CDH12: variants seen among roughly 807,000 people sequenced by gnomAD.
CDH12 encodes the protein cadherin 12.
In CDH12, 41 loss-of-function variants were observed where a neutral mutation model predicts 74.1. The ratio of observed to expected loss-of-function variants is 0.55; its 90% CI spans 0.43 to 0.72. The LOEUF (loss-of-function observed/expected upper bound fraction) is 0.72. CDH12 is among the 30% of genes least tolerant of loss of function. The pLI is 0.00. For missense variants in CDH12, 945 were observed against 977.2 expected (o/e 0.97, Z 0.44); for synonymous variants, 399 against 355.0 (o/e 1.12, Z -1.39).
chr5:22,264,026 AT>A (rs1242095262), intron 3 of CDH12, among the ~76,000 whole-genome samples: 3 of 151,730 alleles, frequency 2.0e-5, no homozygotes, highest in African/African-American at 4.8e-5. Flanking sequence ...ATTTCCCATC[AT>A]TTTTTTAAAG....
intron 6 of CDH12, among the ~76,000 whole-genome samples, chr5:21,880,598 T>TC (rs1160450657): frequency 7.2e-5 from 5 of 69,348 alleles, no homozygotes; most frequent in East Asian, 4.8e-4. Context: ...CTTCCTTCCT[T>TC]CCTTCCTTCC....
intron 7 of CDH12, among the ~76,000 whole-genome samples, chr5:21,853,123 A>T (rs1211764439): frequency 6.6e-6 from 1 of 151,374 alleles, no homozygotes; most frequent in Non-Finnish European, 1.5e-5. Flanking sequence ...TATATATAAG[A>T]TTTTTTTCAC....
At chr5:22,317,294 G>T (rs1340525261) in intron 3 of CDH12, among the ~76,000 whole-genome samples, 1 of 151,894 alleles carries the variant, frequency 6.6e-6, no homozygotes, top group Non-Finnish European at 1.5e-5. Flanking sequence ...ATCCAGCCTA[G>T]GCTACAGAGT....
At chr5:22,140,273 T>A (rs1746710842) in intron 4 of CDH12, among the ~76,000 whole-genome samples, 1 of 146,594 alleles carries the variant, frequency 6.8e-6, no homozygotes, top group Non-Finnish European at 1.5e-5. Flanking sequence ...TTTCATACCA[T>A]AAAGTCAAGT....
At chr5:22,533,490 T>C (rs1166740720) in intron 1 of CDH12, among the ~76,000 whole-genome samples, 1 of 152,226 alleles carries the variant, frequency 6.6e-6, no homozygotes, top group Non-Finnish European at 1.5e-5. Flanking sequence ...CTACTTGACC[T>C]TGAATAAGTC....
intron 5 of CDH12, among the ~76,000 whole-genome samples, chr5:22,028,034 C>T (rs1261315156): frequency 6.6e-6 from 1 of 152,074 alleles, no homozygotes; most frequent in Non-Finnish European, 1.5e-5. Flanking sequence ...TCGTTGGTTT[C>T]AAAGAACATC....
At chr5:22,711,159 T>A (rs1482136570) in intron 1 of CDH12, among the ~76,000 whole-genome samples, 1 of 151,936 alleles carries the variant, frequency 6.6e-6, no homozygotes, top group East Asian at 1.9e-4. Context: ...AAACATATAA[T>A]AAAGGAGATA....
intron 6 of CDH12, among the ~76,000 whole-genome samples, chr5:21,951,271 C>T (rs777634368): frequency 8.6e-5 from 13 of 151,978 alleles, no homozygotes; most frequent in African/African-American, 2.2e-4. Context: ...TATTTTTAGG[C>T]GGAGTCTCAC....
At chr5:21,767,327 A>G (rs1168248575) in intron 11 of CDH12, among the ~76,000 whole-genome samples, 1 of 151,722 alleles carries the variant, frequency 6.6e-6, no homozygotes, top group Non-Finnish European at 1.5e-5. Flanking sequence ...TATAAGAAAA[A>G]GTTATTAAAA....
At chr5:21,843,104 A>T (rs1047793056) in intron 7 of CDH12, among the ~76,000 whole-genome samples, 32 of 152,324 alleles carry the variant, frequency 2.1e-4, no homozygotes, top group African/African-American at 7.7e-4. Flanking sequence ...ATAGTAAAAG[A>T]ACCAAAACCT....
intron 5 of CDH12, among the ~76,000 whole-genome samples, chr5:22,055,090 A>G (rs1740650026): frequency 1.3e-5 from 2 of 152,196 alleles, no homozygotes; most frequent in South Asian, 4.1e-4. Context: ...ATTATTGCTG[A>G]GAAGAAAGCA....
intron 5 of CDH12, among the ~76,000 whole-genome samples, chr5:22,060,452 T>C (rs1006312686): frequency 1.3e-5 from 2 of 152,018 alleles, no homozygotes; most frequent in African/African-American, 4.8e-5. Context: ...AACCTACACG[T>C]TCAGCACATG....
chr5:21,806,760 T>G (rs1477757240), intron 9 of CDH12, among the ~76,000 whole-genome samples: 1 of 152,184 alleles, frequency 6.6e-6, no homozygotes, highest in Non-Finnish European at 1.5e-5. Context: ...GTGAGGGAAG[T>G]CTAGCATGGC....
chr5:22,744,801 C>G (rs1199651843), intron 1 of CDH12, among the ~76,000 whole-genome samples: 1 of 151,944 alleles, frequency 6.6e-6, no homozygotes. Flanking sequence ...AAGAATTGAA[C>G]TGTTCTCTTT....
At chr5:22,594,781 G>A (rs189072845) in intron 1 of CDH12, among the ~76,000 whole-genome samples, 104 of 150,002 alleles carry the variant, frequency 6.9e-4, no homozygotes, top group African/African-American at 2.5e-3. Context: ...GATATTTGAA[G>A]TTCATTTCAG....
At chr5:22,773,496 A>T (rs1381251424) in intron 1 of CDH12, among the ~76,000 whole-genome samples, 1 of 152,158 alleles carries the variant, frequency 6.6e-6, no homozygotes, top group African/African-American at 2.4e-5. Flanking sequence ...ATAATAACTA[A>T]CTCAAGATGG....
intron 5 of CDH12, among the ~76,000 whole-genome samples, chr5:22,008,156 TC>T (rs1387072313): frequency 6.6e-6 from 1 of 152,204 alleles, no homozygotes; most frequent in East Asian, 1.9e-4. Flanking sequence ...GAAATGATAT[TC>T]CCTGCTTTCG....
At chr5:22,763,588 A>T (rs1346598667) in intron 1 of CDH12, among the ~76,000 whole-genome samples, 1 of 151,954 alleles carries the variant, frequency 6.6e-6, no homozygotes, top group Non-Finnish European at 1.5e-5. Context: ...CAATTTGTTC[A>T]GTTAATCCAT....
At chr5:21,881,002 T>C (rs1400461066) in intron 6 of CDH12, among the ~76,000 whole-genome samples, 1 of 152,100 alleles carries the variant, frequency 6.6e-6, no homozygotes, top group Non-Finnish European at 1.5e-5. Flanking sequence ...GGCACTTCTT[T>C]AGCTACCCCT....
Sources: allele counts gnomAD v4.1 joint callset (sites outside exome capture counted in the v4.1 genomes callset), GRCh38; gene constraint gnomAD v4.1.1; transcripts MANE v1.5; gene names NCBI Gene and HGNC (gene_info 2026-07-23, HGNC 2026-07-21).